The following RABGAP1L variants were observed in gnomAD, a reference collection of about 807,000 sequenced individuals.
The protein encoded by RABGAP1L is rab GTPase-activating protein 1-like.
RABGAP1L carries 63 observed loss-of-function variants against 137.7 expected under a neutral mutation model. That is an observed-to-expected ratio of 0.46 (90% CI 0.37 to 0.56). The LOEUF (loss-of-function observed/expected upper bound fraction) is 0.56. RABGAP1L is among the 20% of genes least tolerant of loss of function. RABGAP1L has a pLI of 0.00. For synonymous variants in RABGAP1L, 431 were observed against 433.7 expected (o/e 0.99, Z 0.08); for missense variants, 1,095 against 1,244.0 (o/e 0.88, Z 1.80).
intron 19 of RABGAP1L, chr1:174,892,780 A>T: frequency 2.6e-6 from 1 of 383,526 alleles, no homozygotes. Context: ...CCCAGGCTGG[A>T]GTGCAATGGC....
intron 1 of RABGAP1L, among the ~76,000 whole-genome samples, chr1:174,197,572 G>A (rs565362413): frequency 1.1e-4 from 16 of 152,166 alleles, no homozygotes; most frequent in Non-Finnish European, 1.3e-4. Flanking sequence ...AGCACAATAC[G>A]TCTGATCTCT....
At chr1:174,648,689 G>A (rs147803105) in intron 14 of RABGAP1L, among the ~76,000 whole-genome samples, 15 of 152,254 alleles carry the variant, frequency 9.9e-5, no homozygotes, top group African/African-American at 3.4e-4. Flanking sequence ...GATTTGGGGT[G>A]GAGAATTCTG....
chr1:174,264,172 C>G (rs10798307), intron 7 of RABGAP1L, among the ~76,000 whole-genome samples: 1 of 151,618 alleles, frequency 6.6e-6, no homozygotes, highest in Non-Finnish European at 1.5e-5. Context: ...AAATTTTCAG[C>G]ATATTTTAAT....
In RABGAP1L at chr1:174,859,636, G is replaced by A. The variant is rs368506943; in HGVS notation, c.2340+47676G>A. Among the ~76,000 whole-genome samples, 231 of 152,144 alleles carry A rather than the reference G, an allele frequency of 1.5e-3. 2 individuals are homozygous for A. Among genetic ancestry groups the A allele is most frequent in the African/African-American group, 5.3e-3 (219 of 41,496 alleles). On this transcript the variant is annotated intron_variant, in intron 19 of 25. Coordinates refer to ENST00000681986, the MANE Select transcript of RABGAP1L (RefSeq NM_001366446.1). Reference sequence around the variant, plus strand: ...ATACTGTGTGTTCTCACTTACAAGTGGGTGCTAAATGATGGTCACACAGAG... The same window carrying A: ...ATACTGTGTGTTCTCACTTACAAGTAGGTGCTAAATGATGGTCACACAGAG...
At chr1:174,224,176 T>C (rs1332360976) in intron 3 of RABGAP1L, among the ~76,000 whole-genome samples, 2 of 152,146 alleles carry the variant, frequency 1.3e-5, no homozygotes, top group Non-Finnish European at 2.9e-5. Context: ...CATATCATTA[T>C]AGAAAAATTT....
chr1:174,732,853 ACT>A (rs1682603375), intron 17 of RABGAP1L, among the ~76,000 whole-genome samples: 1 of 152,122 alleles, frequency 6.6e-6, no homozygotes, highest in Non-Finnish European at 1.5e-5. Context: ...ACTTCCCAAG[ACT>A]CTGTCCTGTT....
At chr1:174,338,657 G>T (rs1681700750) in intron 11 of RABGAP1L, among the ~76,000 whole-genome samples, 1 of 150,820 alleles carries the variant, frequency 6.6e-6, no homozygotes, top group South Asian at 2.1e-4. Flanking sequence ...TATATAGTCT[G>T]GTATTTTATT....
chr1:174,545,057 C>G (rs1442936740), intron 13 of RABGAP1L: 1 of 152,552 alleles, frequency 6.6e-6, no homozygotes, highest in East Asian at 1.9e-4. Flanking sequence ...GTGTCAGGGA[C>G]CCACTTGAGG....
At chr1:174,808,401 C>T (rs1365071929) in intron 18 of RABGAP1L, among the ~76,000 whole-genome samples, 1 of 152,046 alleles carries the variant, frequency 6.6e-6, no homozygotes, top group African/African-American at 2.4e-5. Flanking sequence ...CTGCAGTGAG[C>T]TATGATTGCA....
intron 17 of RABGAP1L, among the ~76,000 whole-genome samples, chr1:174,704,950 T>C (rs929826569): frequency 1.3e-5 from 2 of 152,178 alleles, no homozygotes; most frequent in East Asian, 1.9e-4. Flanking sequence ...TCATAGACTT[T>C]TATATACTGA....
At chr1:174,871,730 A>T (rs1396277647) in intron 19 of RABGAP1L, among the ~76,000 whole-genome samples, 1 of 152,180 alleles carries the variant, frequency 6.6e-6, no homozygotes, top group African/African-American at 2.4e-5. Context: ...TTGTTAGTGA[A>T]ATGTTTTAAA....
chr1:174,350,888 A>G (rs1378933963), intron 11 of RABGAP1L, among the ~76,000 whole-genome samples: 1 of 102,984 alleles, frequency 9.7e-6, no homozygotes, highest in South Asian at 4.0e-4. Flanking sequence ...TAGGGGCTGG[A>G]GACCGGCCCG....
At chr1:174,976,569 C>T (rs1310626599) in intron 22 of RABGAP1L, among the ~76,000 whole-genome samples, 2 of 152,156 alleles carry the variant, frequency 1.3e-5, no homozygotes, top group South Asian at 2.1e-4. Context: ...ATTGTTAAAC[C>T]GAAAGCCTAC....
At position 174,695,265 on chromosome 1, in the gene RABGAP1L, C is replaced by CT. The variant is rs1679165230; in HGVS notation, c.1900-4259dup. ...GGATTTGCCCTTTTGAGGCTATTTT[C>CT]TAGATCTTGCAGGCATGCCTAATGT... On this transcript the variant is annotated intron_variant, in intron 15 of 25. Coordinates refer to ENST00000681986, the MANE Select transcript of RABGAP1L (RefSeq NM_001366446.1). Among the ~76,000 whole-genome samples the CT allele has an allele frequency of 2.0e-5, 3 of 152,072 alleles. No homozygotes were observed. In the South Asian group the frequency reaches 6.2e-4, roughly 32 times the overall value.
chr1:174,864,933 A>T (rs951359729), intron 19 of RABGAP1L, among the ~76,000 whole-genome samples: 1 of 152,116 alleles, frequency 6.6e-6, no homozygotes, highest in Non-Finnish European at 1.5e-5. Context: ...CCCGGACAAC[A>T]TTGCCAAACC....
chr1:174,688,362 G>T (rs1678631545), intron 15 of RABGAP1L, among the ~76,000 whole-genome samples: 1 of 151,704 alleles, frequency 6.6e-6, no homozygotes, highest in Non-Finnish European at 1.5e-5. Flanking sequence ...CATTTTTAAG[G>T]TTAAATTACT....
chr1:174,701,425 C>A (rs1679637326), intron 16 of RABGAP1L, among the ~76,000 whole-genome samples: 1 of 152,092 alleles, frequency 6.6e-6, no homozygotes, highest in Admixed American at 6.6e-5. Context: ...AGAGAAGATA[C>A]ATTTCTTTTC....
At chr1:174,477,097 G>C (rs1387076999) in intron 13 of RABGAP1L, among the ~76,000 whole-genome samples, 1 of 152,118 alleles carries the variant, frequency 6.6e-6, no homozygotes, top group Non-Finnish European at 1.5e-5. Context: ...GGTGTGCTGA[G>C]ATATCAAAGT....
At chr1:174,568,727 G>A (rs1667751923) in intron 13 of RABGAP1L, among the ~76,000 whole-genome samples, 1 of 152,150 alleles carries the variant, frequency 6.6e-6, no homozygotes, top group African/African-American at 2.4e-5. Flanking sequence ...GTAAGTGTGT[G>A]TACATGTTTG....
Sources: gnomAD v4.1 joint callset for allele counts (sites outside exome capture counted in the v4.1 genomes callset) on GRCh38, gnomAD v4.1.1 for gene constraint, MANE v1.5 for transcripts, NCBI Gene and HGNC (gene_info 2026-07-23, HGNC 2026-07-21) for gene names.